TTC21A: variants seen among roughly 807,000 people sequenced by gnomAD.
TTC21A encodes tetratricopeptide repeat domain 21A, also known as tetratricopeptide repeat protein 21A.
TTC21A carries 128 observed loss-of-function variants against 156.4 expected under a neutral mutation model. That is an observed-to-expected ratio of 0.82 (90% CI 0.71 to 0.95). TTC21A has a LOEUF of 0.95. TTC21A is among the 40% of genes least tolerant of loss of function. The pLI is 0.00. For synonymous variants in TTC21A, 587 were observed against 617.1 expected (o/e 0.95, Z 0.72); for missense variants, 1,435 against 1,602.3 (o/e 0.90, Z 1.78).
intron 23 of TTC21A, 149 bp downstream of exon 23, chr3:39,136,656 G>A (rs2125869016): frequency 9.1e-7 from 1 of 1,101,772 alleles, no homozygotes; most frequent in Non-Finnish European, 1.3e-6. Flanking sequence ...GGGCAGGGGT[G>A]GAACCCTGTG....
Position 39,136,472 on chromosome 3 carries a change from A to G in TTC21A, c.3060A>G (p.Glu1020=), listed in dbSNP as rs1309913003. 10 of 1,614,244 alleles carry G rather than the reference A, an allele frequency of 6.2e-6. No homozygotes were observed. Among genetic ancestry groups the G allele is most frequent in the Non-Finnish European group, 7.6e-6 (9 of 1,180,034 alleles). ...AKKVSSRVPL[E]PGFNYCRGIY... Reference sequence around the variant, plus strand: ...AGGTGTCTAGCCGGGTGCCTTTGGAACCAGGGTTCAATTACTGCAGAGGTA... The same window carrying G: ...AGGTGTCTAGCCGGGTGCCTTTGGAGCCAGGGTTCAATTACTGCAGAGGTA... Residue 1020 remains glutamate (E), a synonymous_variant, in exon 23 of 29, where the codon GAA becomes GAG. Transcript: ENST00000683103.
intron 12 of TTC21A, 72 bp downstream of exon 12, chr3:39,126,462 T>G: frequency 7.6e-7 from 1 of 1,309,654 alleles, no homozygotes. Context: ...TGCAGGCTCC[T>G]TGCCTAGGAT....
intron 9 of TTC21A, among the ~76,000 whole-genome samples, chr3:39,121,723 A>T (rs2037785884): frequency 6.6e-6 from 1 of 152,230 alleles, no homozygotes; most frequent in African/African-American, 2.4e-5. Flanking sequence ...CGCATTTTTT[A>T]AAGCCCCCTA....
intron 1 of TTC21A, 46 bp from the exon 2 acceptor site, chr3:39,109,039 A>G: frequency 6.3e-7 from 1 of 1,598,932 alleles, no homozygotes; most frequent in Non-Finnish European, 8.6e-7. Context: ...CAGAACAGAG[A>G]CAGAGAAGGG....
At chr3:39,110,720 A>G in intron 3 of TTC21A, 131 bp from the exon 4 acceptor site, 3 of 912,654 alleles carry the variant, frequency 3.3e-6, no homozygotes, top group Non-Finnish European at 5.1e-6. Flanking sequence ...GGTGTGCTGC[A>G]TATGTTGAAG....
chr3:39,126,479 C>T, intron 12 of TTC21A, 89 bp downstream of exon 12: 3 of 313,030 alleles, frequency 9.6e-6, no homozygotes, highest in Admixed American at 5.3e-5. Flanking sequence ...GGATACTACA[C>T]ACACACACAC....
rs1457444899 is a variant in TTC21A, at chr3:39,110,004, A to G, written c.158-25A>G. 3 of 1,561,728 alleles carry G rather than the reference A, an allele frequency of 1.9e-6. No individual in the cohort carries two copies. In the African/African-American group the frequency reaches 4.1e-5, roughly 21 times the overall value. On this transcript the variant is annotated intron_variant, in intron 2 of 28. Transcript: ENST00000683103. ...TCCTCTAGTCCTGGAGCTTGAGAGTATAACTATGTGGACTGTCTTTGCAGA... is the reference window on the plus strand; with the variant it reads ...TCCTCTAGTCCTGGAGCTTGAGAGTGTAACTATGTGGACTGTCTTTGCAGA...
chr3:39,114,546 A>C, intron 5 of TTC21A, 39 bp from the exon 6 acceptor site: 1 of 1,607,858 alleles, frequency 6.2e-7, no homozygotes, highest in Non-Finnish European at 8.5e-7. Flanking sequence ...CTTCATGGGC[A>C]CTCCCTTCAC....
chr3:39,109,095 T>C lies in TTC21A; in HGVS notation c.38T>C (p.Ile13Thr), dbSNP rs200785639. 885 of 1,613,906 alleles carry C rather than the reference T, an allele frequency of 5.5e-4. 3 individuals are homozygous for C. The African/African-American group carries it at 6.6e-3, about 12-fold the overall frequency. The change falls in exon 2 of 29, where the codon ATT becomes ACT. Residue 13 changes from isoleucine to threonine, a missense_variant. Coordinates refer to ENST00000683103, the MANE Select transcript of TTC21A (RefSeq NM_001366900.1). Reference sequence around the variant, plus strand: ...TCTTCCTTCATACAGGCTGGGATCATTTACTATAGCCAGGAAAAGTACTTC... The same window carrying C: ...TCTTCCTTCATACAGGCTGGGATCACTTACTATAGCCAGGAAAAGTACTTC... ...SNDSSLMAGI[I>T]YYSQEKYFHH...
At position 39,120,013 on chromosome 3, in the gene TTC21A, G is replaced by A; in HGVS notation, c.893G>A (p.Ser298Asn). ...SLHLKKIIVV[S>N]RLCGSHQVIL... ...CATCTTAAAAAAATTATTGTGGTTA[G>A]CCGACTGGTAAGAAGGTTCTTTCCT... Residue 298 changes from serine to asparagine, a missense_variant, in exon 8 of 29, where the codon AGC becomes AAC. By Grantham distance (46) the Ser-to-Asn change is conservative. Transcript: ENST00000683103. The A allele has an allele frequency of 6.3e-7, 1 of 1,599,322 alleles. No homozygotes were observed. The highest frequency in any genetic ancestry group is 1.4e-5 in the African/African-American group (1 of 73,772).
chr3:39,108,871 A>G (rs2036524023), intron 1 of TTC21A, among the ~76,000 whole-genome samples: 1 of 152,216 alleles, frequency 6.6e-6, no homozygotes, highest in African/African-American at 2.4e-5. Flanking sequence ...TCCCCCAAAC[A>G]AACACCTCCA....
chr3:39,121,023 G>C lies in TTC21A; in HGVS notation c.927G>C (p.Gly309=). 1 of 1,611,782 alleles carries C rather than the reference G, an allele frequency of 6.2e-7. No homozygotes were observed. The highest frequency in any genetic ancestry group is 1.1e-5 in the South Asian group (1 of 90,806). The change falls in exon 9 of 29, where the codon GGG becomes GGC. Residue 309 remains glycine, a synonymous_variant. Coordinates refer to ENST00000683103, the MANE Select transcript of TTC21A (RefSeq NM_001366900.1). ...RLCGSHQVIL[G]LVCSFIERTF... is the part of the protein sequence containing the mutation. ...GTGGGAGTCACCAGGTGATTCTAGGGCTAGTGTGTAGTTTCATCGAGCGCA... is the reference window on the plus strand; with the variant it reads ...GTGGGAGTCACCAGGTGATTCTAGGCCTAGTGTGTAGTTTCATCGAGCGCA...
intron 20 of TTC21A, 25 bp downstream of exon 20, chr3:39,133,265 C>T (rs375193898): frequency 7.5e-6 from 12 of 1,605,434 alleles, no homozygotes; most frequent in Non-Finnish European, 9.4e-6. Context: ...AAGCAAGAGG[C>T]TGCTTTCTCC....
chr3:39,113,350 C>T (rs1020837143), intron 5 of TTC21A, among the ~76,000 whole-genome samples: 2 of 152,186 alleles, frequency 1.3e-5, no homozygotes, highest in Admixed American at 6.5e-5. Flanking sequence ...ACCCTTGGGG[C>T]CAGCACCTGT....
rs2038518509 is a variant in TTC21A at position 39,129,134 on chromosome 3, C to T, written c.1959C>T (p.Asn653=). The change falls in exon 15 of 29, where the codon AAC becomes AAT. Residue 653 remains asparagine, a synonymous_variant. Coordinates refer to ENST00000683103, the MANE Select transcript of TTC21A (RefSeq NM_001366900.1). The part of the protein sequence containing the change: ...INEFGGTPEE[N]RITIANVDLV... Reference sequence around the variant, plus strand: ...AGTTCGGTGGCACACCAGAAGAGAACCGCATCACCATTGCCAACGTGGACT... The same window carrying T: ...AGTTCGGTGGCACACCAGAAGAGAATCGCATCACCATTGCCAACGTGGACT... 1 of 1,614,132 alleles carries T rather than the reference C, an allele frequency of 6.2e-7. No individual in the cohort carries two copies. The highest frequency in any genetic ancestry group is 1.7e-5 in the Admixed American group (1 of 60,018).
rs1456835331 is a variant in TTC21A at position 39,121,129 on chromosome 3, GC to G, written c.1035del (p.Leu346CysfsTer8). 3 of 1,613,996 alleles carry G rather than the reference GC, an allele frequency of 1.9e-6. No individual in the cohort carries two copies. Among genetic ancestry groups the G allele is most frequent in the Non-Finnish European group, 2.5e-6 (3 of 1,180,012 alleles). Reference protein sequence around the residue: ...LFILKNQVKEALLWYSEAMKL... With the variant: ...LFILKNQVKEXLLWYSEAMKL... ...CATCCTGAAGAACCAAGTGAAAGAG[GC>G]CTTGCTGTGGTATTCAGAAGCCATG... On this transcript the variant is annotated frameshift_variant, in exon 9 of 29. Coordinates refer to ENST00000683103, the MANE Select transcript of TTC21A (RefSeq NM_001366900.1). LOFTEE classifies it high-confidence loss of function.
In TTC21A at chr3:39,137,528, G is replaced by A. The variant is rs769532337; in HGVS notation, c.3493G>A (p.Val1165Met). Residue 1165 changes from valine to methionine, a missense_variant, in exon 26 of 29, where the codon GTG (valine) becomes ATG (methionine). By Grantham distance (21) the Val-to-Met change is conservative (BLOSUM62 1). Transcript: ENST00000683103. Reference sequence around the variant, plus strand: ...CCTGCTGGCCTTGGCACAAGCCTACGTGTTCCTGAAGCAGATCCCCAAGGC... The same window carrying A: ...CCTGCTGGCCTTGGCACAAGCCTACATGTTCCTGAAGCAGATCCCCAAGGC... The part of the protein sequence containing the change: ...PALLALAQAY[V>M]FLKQIPKARM... The A allele has an allele frequency of 5.0e-6, 8 of 1,614,256 alleles. No homozygotes were observed. Among genetic ancestry groups the A allele is most frequent in the African/African-American group, 1.3e-5 (1 of 75,066 alleles).
chr3:39,110,428 C>A (rs771020122), intron 3 of TTC21A: 1 of 542,784 alleles, frequency 1.8e-6, no homozygotes, highest in Non-Finnish European at 3.3e-6. Flanking sequence ...TTGCCAAGAT[C>A]TTGTCAGAAA....
In TTC21A at chr3:39,125,396, C is replaced by T. The variant is rs74824603; in HGVS notation, c.1256C>T (p.Ala419Val). 725 of 1,614,148 alleles carry T rather than the reference C, an allele frequency of 4.5e-4. 3 individuals are homozygous for T. The African/African-American group carries it at 8.1e-3, about 18-fold the overall frequency. The change falls in exon 11 of 29, where the codon GCG (alanine) becomes GTG (valine). Residue 419 changes from alanine to valine, a missense_variant. Coordinates refer to ENST00000683103, the MANE Select transcript of TTC21A (RefSeq NM_001366900.1). ...CACAAGGGGGAGGAAGAGACCACAGCGCTCCTGAAGGAGGCAGTGGAGCTT... is the reference window on the plus strand; with the variant it reads ...CACAAGGGGGAGGAAGAGACCACAGTGCTCCTGAAGGAGGCAGTGGAGCTT... ...RKHKGEEETT[A>V]LLKEAVELHF...
Sources: gnomAD v4.1 joint callset for allele counts (sites outside exome capture counted in the v4.1 genomes callset) on GRCh38, gnomAD v4.1.1 for gene constraint, MANE v1.5 for transcripts, NCBI Gene and HGNC (gene_info 2026-07-23, HGNC 2026-07-21) for gene names.